The following PNKD variants were observed in gnomAD, a reference collection of about 807,000 sequenced individuals.
PNKD encodes probable thioesterase PNKD.
A neutral mutation model predicts 45.3 loss-of-function variants in PNKD; 36 were observed. That is an observed-to-expected ratio of 0.80 (90% CI 0.61 to 1.05). The LOEUF is 1.05. PNKD is among the 50% of genes least tolerant of loss of function. The pLI is 0.00. For missense variants in PNKD, 511 were observed against 506.6 expected (o/e 1.01, Z -0.08); for synonymous variants, 197 against 210.1 (o/e 0.94, Z 0.54).
intron 2 of PNKD, chr2:218,334,650 A>G: frequency 1.4e-6 from 1 of 701,260 alleles, no homozygotes; most frequent in Non-Finnish European, 2.6e-6. Context: ...GCAAGACCCA[A>G]AAAAAGAATT....
chr2:218,319,453 G>T (rs2106270901), intron 2 of PNKD, among the ~76,000 whole-genome samples: 1 of 133,044 alleles, frequency 7.5e-6, no homozygotes, highest in East Asian at 2.2e-4. Context: ...TCGGCTCACT[G>T]CAACCTCCGC....
chr2:218,339,784 T>C lies in PNKD; in HGVS notation c.238T>C (p.Tyr80His). The C allele has an allele frequency of 6.2e-7, 1 of 1,608,974 alleles. No individual in the cohort carries two copies. Among genetic ancestry groups the C allele is most frequent in the Non-Finnish European group, 8.5e-7 (1 of 1,175,576 alleles). Reference protein sequence around the residue: ...NPMKAVGLAWYSLYTRTWLGY... With the variant: ...NPMKAVGLAWHSLYTRTWLGY... ...ATAGGCCACCCACTCGCCCTCTAGG[T>C]ACAGCCTGTACACCCGCACCTGGCT... The change falls in exon 3 of 10, where the codon TAC becomes CAC. Residue 80 changes from tyrosine (Y) to histidine (H), a missense_variant and splice_region_variant. Transcript: ENST00000273077.
chr2:218,297,858 C>T (rs1386761940), intron 2 of PNKD, among the ~76,000 whole-genome samples: 1 of 148,722 alleles, frequency 6.7e-6, no homozygotes, highest in Non-Finnish European at 1.5e-5. Flanking sequence ...ATTAGCTGGA[C>T]GTGATGGCAG....
In PNKD at chr2:218,326,066, G is replaced by A. The variant is rs1694147269; in HGVS notation, c.237-13717G>A. Among the ~76,000 whole-genome samples the A allele has an allele frequency of 6.6e-6, 1 of 151,574 alleles. No homozygotes were observed. Among genetic ancestry groups the A allele is most frequent in the Non-Finnish European group, 1.5e-5 (1 of 67,950 alleles). On this transcript the variant is annotated intron_variant, in intron 2 of 9. Transcript: ENST00000273077. This position sits in a 1 kb window ranked among gnomAD's most constrained non-coding sequence, Gnocchi z 4.1. ...GGTGCCTCCAGGAAGGATGGGGAGGGAGGGGGAACGGAATGGGACAGGACA... is the reference window on the plus strand; with the variant it reads ...GGTGCCTCCAGGAAGGATGGGGAGGAAGGGGGAACGGAATGGGACAGGACA...
chr2:218,277,728 TG>T (rs1553657083), intron 2 of PNKD: 1 of 1,608,516 alleles, frequency 6.2e-7, no homozygotes, highest in Non-Finnish European at 8.5e-7. Context: ...GGCAGGGTGC[TG>T]GGGGAGTGGC....
rs562716518 is a variant in PNKD at position 218,297,929 on chromosome 2, C to T, written c.236+26380C>T. On this transcript the variant is annotated intron_variant, in intron 2 of 9. Transcript: ENST00000273077. ...AGGAGAATGGCATGAACCCGGGAGG[C>T]GGAGCTTGCAGTGAGCCGAGATCAC... 4.7e-5 allele frequency among the ~76,000 whole-genome samples: 7 copies of T among 147,520 alleles called. No individual in the cohort carries two copies. The South Asian group carries it at 1.3e-3, about 27-fold the overall frequency.
intron 2 of PNKD, among the ~76,000 whole-genome samples, chr2:218,288,032 T>C (rs1166039253): frequency 6.6e-6 from 1 of 152,264 alleles, no homozygotes; most frequent in Non-Finnish European, 1.5e-5. Context: ...GCACAGTCCC[T>C]GTTCACTTCC....
intron 2 of PNKD, chr2:218,279,335 C>A: frequency 1.9e-6 from 3 of 1,586,382 alleles, no homozygotes; most frequent in Non-Finnish European, 2.6e-6. Flanking sequence ...AGCAGCTGCA[C>A]GGAGATGATG....
At chr2:218,297,525 A>C (rs1335923208) in intron 2 of PNKD, among the ~76,000 whole-genome samples, 1 of 151,954 alleles carries the variant, frequency 6.6e-6, no homozygotes, top group African/African-American at 2.4e-5. Flanking sequence ...CTCTACTAAA[A>C]ATACAAACAA....
At chr2:218,296,686 T>C (rs893060391) in intron 2 of PNKD, among the ~76,000 whole-genome samples, 2 of 152,104 alleles carry the variant, frequency 1.3e-5, no homozygotes, top group Admixed American at 1.3e-4. Context: ...TTTCTTTCTT[T>C]CTTTCTTTTT....
chr2:218,315,408 C>T (rs1401639229), intron 2 of PNKD, among the ~76,000 whole-genome samples: 1 of 152,122 alleles, frequency 6.6e-6, no homozygotes, highest in East Asian at 1.9e-4. Context: ...CCACCCGCCT[C>T]GGCCTCCCAA....
chr2:218,271,630 C>A, intron 2 of PNKD, 81 bp downstream of exon 2: 1 of 1,303,816 alleles, frequency 7.7e-7, no homozygotes, highest in Non-Finnish European at 1.1e-6. Flanking sequence ...CTCCAAGTTT[C>A]AGGTGGCGAG....
chr2:218,331,241 C>T (rs1310650829), intron 2 of PNKD, among the ~76,000 whole-genome samples: 1 of 152,006 alleles, frequency 6.6e-6, no homozygotes, highest in African/African-American at 2.4e-5. Context: ...ATAGTGAAAC[C>T]CGTCTCTACT....
chr2:218,315,057 T>TCTTTTCTTTCTTCCTTC (rs61429059), intron 2 of PNKD, among the ~76,000 whole-genome samples: 1 of 55,544 alleles, frequency 1.8e-5, no homozygotes, highest in Admixed American at 2.4e-4. Context: ...TTTCTTTCTT[T>TCTTTTCTTTCTTCCTTC]CTTCCTTCCT....
chr2:218,339,729 T>A (rs900606666), intron 2 of PNKD, 54 bp from the exon 3 acceptor site: 1 of 1,087,040 alleles, frequency 9.2e-7, no homozygotes, highest in Non-Finnish European at 1.4e-6. Flanking sequence ...CACGAAGGAG[T>A]CTAGGGGAGC....
chr2:218,289,414 G>A (rs1176773941), intron 2 of PNKD, among the ~76,000 whole-genome samples: 5 of 152,140 alleles, frequency 3.3e-5, no homozygotes, highest in Non-Finnish European at 7.3e-5. Context: ...GGCCGAGCCA[G>A]GCGGATCACT....
Position 218,340,857 on chromosome 2 carries a change from A to G in PNKD, c.524+71A>G. The G allele has an allele frequency of 7.7e-7, 1 of 1,295,210 alleles. No individual in the cohort carries two copies. The highest frequency in any genetic ancestry group is 1.2e-5 in the South Asian group (1 of 84,824). 80.2% of individuals were successfully genotyped at this position (1,295,210 alleles called of 1,614,324 possible). A position where few individuals can be genotyped will look rare whatever the true frequency, so the allele number is the denominator to read the frequency against. On this transcript the variant is annotated intron_variant, in intron 5 of 9. Coordinates refer to ENST00000273077, the MANE Select transcript of PNKD (RefSeq NM_015488.5). This position sits in a 1 kb window ranked among gnomAD's most constrained non-coding sequence, Gnocchi z 4.2. Reference sequence around the variant, plus strand: ...CTTGCCAGGACTGGGCCCATTGAGGACGGCCGGGGCCAGAGATCAAGAAGT... The same window carrying G: ...CTTGCCAGGACTGGGCCCATTGAGGGCGGCCGGGGCCAGAGATCAAGAAGT...
chr2:218,342,140 C>T lies in PNKD; in HGVS notation c.777C>T (p.Gly259=). The T allele has an allele frequency of 6.2e-7, 1 of 1,612,546 alleles. No homozygotes were observed. The highest frequency in any genetic ancestry group is 2.2e-5 in the East Asian group (1 of 44,876). ...LFSGDLLFLS[G]CGRTFEGNAE... ...CAGGGGACCTGCTCTTCCTCTCTGG[C>T]TGTGGTGAGTTTCCCCGAAAGAGAG... The change falls in exon 7 of 10, where the codon GGC becomes GGT. Residue 259 remains glycine (G), a synonymous_variant. Coordinates refer to ENST00000273077, the MANE Select transcript of PNKD (RefSeq NM_015488.5).
At chr2:218,293,799 A>G (rs1209614692) in intron 2 of PNKD, among the ~76,000 whole-genome samples, 1 of 150,776 alleles carries the variant, frequency 6.6e-6, no homozygotes, top group African/African-American at 2.4e-5. Flanking sequence ...TTTTGTAGAG[A>G]TGGGTTTTCA....
Sources: gnomAD v4.1 joint callset for allele counts (sites outside exome capture counted in the v4.1 genomes callset) on GRCh38, gnomAD v4.1.1 for gene constraint, Gnocchi (gnomAD v3.1) non-coding constraint, MANE v1.5 for transcripts, NCBI Gene and HGNC (gene_info 2026-07-23, HGNC 2026-07-21) for gene names.